Variants in PI16 observed in about 807,000 individuals in gnomAD.
PI16 encodes the protein PSP94-binding protein.
PI16 carries 35 observed loss-of-function variants against 38.0 expected under a neutral mutation model. The ratio of observed to expected loss-of-function variants is 0.92; its 90% CI spans 0.70 to 1.22. The LOEUF (loss-of-function observed/expected upper bound fraction) is 1.22, where lower values mean the gene tolerates loss of function less well. Among genes scored for constraint, PI16 ranks in the 50% most tolerant of loss-of-function variants. PI16 has a pLI of 0.00. For missense variants in PI16, 572 were observed against 593.8 expected, an observed-to-expected ratio of 0.96 and a Z score of 0.38; for synonymous variants, 275 against 252.9, an observed-to-expected ratio of 1.09 and a Z score of -0.83.
rs749368292 is a variant in PI16 at position 36,959,243 on chromosome 6, C to G, written c.270C>G (p.Phe90Leu). The change falls in exon 2 of 7, where the codon TTC becomes TTG. Residue 90 changes from phenylalanine (F) to leucine (L), a missense_variant. Coordinates refer to ENST00000373674, the MANE Select transcript of PI16 (RefSeq NM_153370.3). ...KERGRRGENL[F>L]AITDEGMDVP... Reference sequence around the variant, plus strand: ...GCGGGCGCCGCGGCGAGAATCTGTTCGCCATCACAGACGAGGGCATGGACG... The same window carrying G: ...GCGGGCGCCGCGGCGAGAATCTGTTGGCCATCACAGACGAGGGCATGGACG... 6.2e-7 allele frequency: 1 copy of G among 1,608,596 alleles called. No individual in the cohort carries two copies. The highest frequency in any genetic ancestry group is 8.5e-7 in the Non-Finnish European group (1 of 1,178,054).
upstream of PI16, among the ~76,000 whole-genome samples, chr6:36,950,122 C>G (rs1023540874): frequency 1.3e-5 from 2 of 152,208 alleles, no homozygotes; most frequent in Admixed American, 6.5e-5. This position sits in a 1 kb window ranked among gnomAD's most constrained non-coding sequence, Gnocchi z 4.2. Flanking sequence ...GTCACCATCA[C>G]CACCGTCCAT....
chr6:36,958,346 C>T (rs9470446), intron 1 of PI16, among the ~76,000 whole-genome samples: 2,224 of 152,294 alleles, frequency 0.015, 63 homozygotes, highest in African/African-American at 0.048. Flanking sequence ...CACCCACACT[C>T]GGCCTGTCCT....
rs867770619 is a variant in PI16, at chr6:36,962,947, G to T, written c.605G>T (p.Ser202Ile). Residue 202 changes from serine to isoleucine, a missense_variant, in exon 5 of 7, where the codon AGC becomes ATC. Ser to Ile is a moderately radical substitution (Grantham distance 142). Coordinates refer to ENST00000373674, the MANE Select transcript of PI16 (RefSeq NM_153370.3). This position sits in a 1 kb window ranked among gnomAD's most constrained non-coding sequence, Gnocchi z 4.1. ...CKNSLCEPIGSPEDAQDLPYL... is the reference protein window; with the variant it reads ...CKNSLCEPIGIPEDAQDLPYL... ...TCTGTCTTATCAGAACCCATCGGAA[G>T]CCCGGAAGATGCTCAGGATTTGCCT... 1.2e-6 allele frequency: 2 copies of T among 1,612,740 alleles called. No homozygotes were observed. Among genetic ancestry groups the T allele is most frequent in the South Asian group, 2.2e-5 (2 of 91,010 alleles).
chr6:36,961,320 T>C (rs937433671), intron 2 of PI16, 131 bp from the exon 3 acceptor site: 1 of 758,510 alleles, frequency 1.3e-6, no homozygotes, highest in Non-Finnish European at 2.3e-6. Flanking sequence ...CTGCATGGCC[T>C]TGGGGACGTG....
In PI16 at chr6:36,960,562, C is replaced by T. The variant is rs958645588; in HGVS notation, c.394-889C>T. Among the ~76,000 whole-genome samples the T allele has an allele frequency of 6.6e-5, 10 of 152,170 alleles. No homozygotes were observed. In the South Asian group the frequency reaches 2.1e-3, roughly 32 times the overall value. ...AGGGAGGAAATCCCAGCAGCACCCA[C>T]CCAGGTCAGAAAGTTGTGAGGGCCC... On this transcript the variant is annotated intron_variant, in intron 2 of 6. Transcript: ENST00000373674.
rs908784855 is a variant in PI16 at position 36,962,800 on chromosome 6, T to C, written c.593-135T>C. ...TAACTTTTATTTTCAATGAGGGGCA[T>C]ATCAGCTGGAGAAGTGTATGTGTGT... On this transcript the variant is annotated intron_variant, in intron 4 of 6. Coordinates refer to ENST00000373674, the MANE Select transcript of PI16 (RefSeq NM_153370.3). This position sits in a 1 kb window ranked among gnomAD's most constrained non-coding sequence, Gnocchi z 4.1. 1.3e-6 allele frequency: 1 copy of C among 744,520 alleles called. No homozygotes were observed. The highest frequency in any genetic ancestry group is 3.9e-4 in the Middle Eastern group (1 of 2,586). The allele number at this position is 744,520 out of a possible 1,614,324, so 46.1% of individuals were successfully genotyped here. A position where few individuals can be genotyped will look rare whatever the true frequency, so the allele number is the denominator to read the frequency against.
intron 1 of PI16, among the ~76,000 whole-genome samples, chr6:36,948,668 CCTCCCTCCCTCCT>C (rs1763052336): frequency 2.4e-4 from 1 of 4,162 alleles, no homozygotes; most frequent in Non-Finnish European, 4.9e-4. Flanking sequence ...TTCCCTCCTT[CCTCCCTCCCTCCT>C]TCCTCCCTCC....
chr6:36,961,601 G>A, intron 3 of PI16, 41 bp downstream of exon 3: 1 of 1,583,508 alleles, frequency 6.3e-7, no homozygotes, highest in Non-Finnish European at 8.7e-7. Context: ...GAGGGGGAAG[G>A]CACAGGCAGA....
At chr6:36,957,983 G>A (rs2150735826) in intron 1 of PI16, among the ~76,000 whole-genome samples, 1 of 152,350 alleles carries the variant, frequency 6.6e-6, no homozygotes, top group East Asian at 1.9e-4. Context: ...AGAATCTCAG[G>A]GGCCAGTGAT....
chr6:36,951,258 C>A (rs977601579), upstream of PI16, among the ~76,000 whole-genome samples: 2 of 151,766 alleles, frequency 1.3e-5, no homozygotes, highest in African/African-American at 4.8e-5. Context: ...ATTTTTTTTT[C>A]TTGAGACAGG....
At chr6:36,960,804 C>A (rs1319143394) in intron 2 of PI16, among the ~76,000 whole-genome samples, 2 of 152,102 alleles carry the variant, frequency 1.3e-5, no homozygotes, top group African/African-American at 4.8e-5. Flanking sequence ...CACGGGGAGA[C>A]CTTCAGCTGA....
Position 36,959,072 on chromosome 6 carries a change from C to T in PI16, c.172-73C>T, listed in dbSNP as rs115821482. Reference sequence around the variant, plus strand: ...GGTGCCGGAAGGATTTCCCCACGACCTCCTCGACCTTTTGCTTGGTCCCCA... The same window carrying T: ...GGTGCCGGAAGGATTTCCCCACGACTTCCTCGACCTTTTGCTTGGTCCCCA... On this transcript the variant is annotated intron_variant, in intron 1 of 6. Coordinates refer to ENST00000373674, the MANE Select transcript of PI16 (RefSeq NM_153370.3). 524 of 1,354,212 alleles carry T rather than the reference C, an allele frequency of 3.9e-4. No homozygotes were observed. In the African/African-American group the frequency reaches 6.8e-3, roughly 18 times the overall value. 83.9% of individuals were successfully genotyped at this position (1,354,212 alleles called of 1,614,324 possible). A position where few individuals can be genotyped will look rare whatever the true frequency, so the allele number is the denominator to read the frequency against.
intron 2 of PI16, 49 bp downstream of exon 2, chr6:36,959,415 G>A (rs1160759049): frequency 3.3e-6 from 5 of 1,499,964 alleles, no homozygotes; most frequent in Non-Finnish European, 4.4e-6. Flanking sequence ...GCGTGGGGGT[G>A]GGGCCACGTG....
At chr6:36,954,038 T>TC (rs1338524378), upstream of PI16, among the ~76,000 whole-genome samples, 1 of 152,068 alleles carries the variant, frequency 6.6e-6, no homozygotes, top group Non-Finnish European at 1.5e-5. Flanking sequence ...CCTTGGCCTC[T>TC]CCCCCCGCAG....
chr6:36,962,013 G>A lies in PI16; in HGVS notation c.592+39G>A. 6.6e-7 allele frequency: 1 copy of A among 1,517,486 alleles called. No homozygotes were observed. The highest frequency in any genetic ancestry group is 9.2e-7 in the Non-Finnish European group (1 of 1,091,906). 94.0% of individuals were successfully genotyped at this position (1,517,486 alleles called of 1,614,324 possible). A position where few individuals can be genotyped will look rare whatever the true frequency, so the allele number is the denominator to read the frequency against. ...TGGATGGGTAGGGGCAGGGGGTGTG[G>A]AAATGATGCGATGCAGACTGGATGG... On this transcript the variant is annotated intron_variant, in intron 4 of 6. Transcript: ENST00000373674. The surrounding 1 kb of genome is among the most constrained non-coding windows in gnomAD (Gnocchi z 4.1).
rs749369459 is a variant in PI16 at position 36,963,417 on chromosome 6, G to T, written c.1075G>T (p.Ala359Ser). 1 of 1,614,196 alleles carries T rather than the reference G, an allele frequency of 6.2e-7. No homozygotes were observed. The highest frequency in any genetic ancestry group is 8.5e-7 in the Non-Finnish European group (1 of 1,180,022). Residue 359 changes from alanine (A) to serine (S), a missense_variant, in exon 5 of 7, where the codon GCT becomes TCT. Coordinates refer to ENST00000373674, the MANE Select transcript of PI16 (RefSeq NM_153370.3). ...LLPHAQEEAE[A>S]EAELPPSSEV... The stretch of plus-strand genomic sequence containing the variant: ...ACCCCATGCCCAGGAGGAGGCTGAG[G>T]CTGAGGCTGAGTTGCCTCCTTCCAG...
chr6:36,949,213 C>A (rs1374606515), intron 1 of PI16, among the ~76,000 whole-genome samples: 1 of 152,158 alleles, frequency 6.6e-6, no homozygotes, highest in East Asian at 1.9e-4. Flanking sequence ...CCTCCGCCTC[C>A]CGGGTTCAAG....
At chr6:36,949,934 G>A (rs1763073202), upstream of PI16, among the ~76,000 whole-genome samples, 1 of 151,588 alleles carries the variant, frequency 6.6e-6, no homozygotes, top group Non-Finnish European at 1.5e-5. Context: ...GGCCTGGGTT[G>A]TAAAGGCTCC....
intron 1 of PI16, among the ~76,000 whole-genome samples, chr6:36,949,382 A>T (rs1054083926): frequency 1.3e-5 from 2 of 152,044 alleles, no homozygotes; most frequent in African/African-American, 4.8e-5. Context: ...TTGGCCTCCT[A>T]AAGTGCTAGG....
Sources: allele counts gnomAD v4.1 joint callset (sites outside exome capture counted in the v4.1 genomes callset), GRCh38; gene constraint gnomAD v4.1.1; non-coding constraint Gnocchi (gnomAD v3.1); transcripts MANE v1.5; gene names NCBI Gene and HGNC (gene_info 2026-07-23, HGNC 2026-07-21).